Variants in HS3ST5 observed in about 807,000 individuals in gnomAD.
The protein encoded by HS3ST5 is heparan sulfate glucosamine 3-O-sulfotransferase 5.
HS3ST5 carries 10 observed loss-of-function variants against 25.4 expected under a neutral mutation model. The ratio of observed to expected loss-of-function variants is 0.39; its 90% CI spans 0.24 to 0.67. The LOEUF is 0.67. Ranked by LOEUF, HS3ST5 falls within the 30% of genes least tolerant of loss-of-function variation. The pLI, the probability that HS3ST5 is intolerant of heterozygous loss-of-function variation, is 0.44. For missense variants in HS3ST5, 324 were observed against 420.7 expected, an observed-to-expected ratio of 0.77 and a Z score of 2.01; for synonymous variants, 170 against 162.4, an observed-to-expected ratio of 1.05 and a Z score of -0.36.
intron 1 of HS3ST5, among the ~76,000 whole-genome samples, chr6:114,247,511 T>C (rs1278420037): frequency 6.6e-6 from 1 of 152,134 alleles, no homozygotes; most frequent in African/African-American, 2.4e-5. Flanking sequence ...AGAAATGTTA[T>C]TTGGCAGAAA....
At chr6:114,322,314 A>G (rs1342835368) in intron 1 of HS3ST5, among the ~76,000 whole-genome samples, 4 of 152,178 alleles carry the variant, frequency 2.6e-5, no homozygotes, top group Non-Finnish European at 5.9e-5. Context: ...AACTGGCTTC[A>G]AAGTAGCTTA....
chr6:114,140,338 TA>T (rs1321153550), intron 3 of HS3ST5, among the ~76,000 whole-genome samples: 3 of 152,234 alleles, frequency 2.0e-5, no homozygotes, highest in Non-Finnish European at 4.4e-5. Flanking sequence ...AATAGTGATA[TA>T]AATTTTTTTT....
chr6:114,278,079 AC>A (rs1164931179), intron 1 of HS3ST5, among the ~76,000 whole-genome samples: 1 of 151,948 alleles, frequency 6.6e-6, no homozygotes, highest in African/African-American at 2.4e-5. Flanking sequence ...AAACACTGCC[AC>A]TCATGACTGA....
intron 3 of HS3ST5, among the ~76,000 whole-genome samples, chr6:114,140,462 G>A (rs988197826): frequency 5.9e-5 from 9 of 152,366 alleles, no homozygotes; most frequent in African/African-American, 2.2e-4. Flanking sequence ...GTGACTGGCT[G>A]AAATTTGAGA....
chr6:114,169,523 C>A (rs562172419), intron 2 of HS3ST5, among the ~76,000 whole-genome samples: 18 of 152,214 alleles, frequency 1.2e-4, no homozygotes, highest in African/African-American at 4.3e-4. Flanking sequence ...GAAAAAAACA[C>A]ATCCAGCTAT....
chr6:114,170,358 T>C (rs898519315), intron 2 of HS3ST5, among the ~76,000 whole-genome samples: 13 of 152,134 alleles, frequency 8.5e-5, no homozygotes, highest in Admixed American at 2.0e-4. Flanking sequence ...AATCTTGAAG[T>C]TGTAATGTAA....
chr6:114,069,345 C>CT (rs759908690), intron 3 of HS3ST5, among the ~76,000 whole-genome samples: 479 of 144,934 alleles, frequency 3.3e-3, no homozygotes, highest in Non-Finnish European at 3.5e-3. Context: ...GTAATATTAT[C>CT]TTTTTTTTTT....
chr6:114,106,381 A>G (rs1181469983), intron 3 of HS3ST5, among the ~76,000 whole-genome samples: 3 of 152,130 alleles, frequency 2.0e-5, no homozygotes, highest in African/African-American at 2.4e-5. Context: ...AGCATTCCAT[A>G]AATGTTCCTT....
At chr6:114,321,400 G>C (rs938086353) in intron 1 of HS3ST5, among the ~76,000 whole-genome samples, 1 of 151,984 alleles carries the variant, frequency 6.6e-6, no homozygotes, top group Non-Finnish European at 1.5e-5. Context: ...TTAGCCTGGT[G>C]AACAGCTCTG....
intron 1 of HS3ST5, among the ~76,000 whole-genome samples, chr6:114,248,684 C>CA (rs1277160761): frequency 6.6e-6 from 1 of 152,066 alleles, no homozygotes; most frequent in Non-Finnish European, 1.5e-5. Context: ...ATTAATCAGT[C>CA]AAAACAGACA....
At chr6:114,088,717 T>A (rs934161984) in intron 3 of HS3ST5, among the ~76,000 whole-genome samples, 11 of 152,342 alleles carry the variant, frequency 7.2e-5, no homozygotes, top group Admixed American at 4.6e-4. Context: ...GGTTATAGGC[T>A]ATATACAGAT....
chr6:114,232,890 T>A (rs753457155), intron 1 of HS3ST5, among the ~76,000 whole-genome samples: 2 of 152,170 alleles, frequency 1.3e-5, no homozygotes, highest in East Asian at 3.9e-4. Context: ...GGCATCTATC[T>A]AGAGTGATCT....
At chr6:114,288,819 T>C (rs1181879736) in intron 1 of HS3ST5, among the ~76,000 whole-genome samples, 1 of 152,096 alleles carries the variant, frequency 6.6e-6, no homozygotes, top group Non-Finnish European at 1.5e-5. Context: ...AGTAATTCAG[T>C]CCAATAGTTA....
intron 1 of HS3ST5, among the ~76,000 whole-genome samples, chr6:114,327,232 A>G (rs530079390): frequency 6.6e-6 from 1 of 152,290 alleles, no homozygotes; most frequent in East Asian, 1.9e-4. Context: ...GTAGATAGTG[A>G]TAAGTATTAA....
At chr6:114,150,207 C>T (rs1028353891) in intron 3 of HS3ST5, among the ~76,000 whole-genome samples, 2 of 152,236 alleles carry the variant, frequency 1.3e-5, no homozygotes, top group East Asian at 3.9e-4. Context: ...CTTTGGATGT[C>T]CTGTTAAGTT....
At chr6:114,310,787 G>T (rs1775498661) in intron 1 of HS3ST5, among the ~76,000 whole-genome samples, 1 of 152,114 alleles carries the variant, frequency 6.6e-6, no homozygotes, top group Non-Finnish European at 1.5e-5. Context: ...TTAATGATAT[G>T]ATTATATTCC....
chr6:114,103,823 T>TGG (rs1196932963), intron 3 of HS3ST5, among the ~76,000 whole-genome samples: 2 of 149,424 alleles, frequency 1.3e-5, no homozygotes, highest in African/African-American at 4.9e-5. Context: ...CCCGAGTAGC[T>TGG]GGGACTACAA....
Position 114,070,382 on chromosome 6 carries a change from G to GT in HS3ST5, c.-32-7506dup, listed in dbSNP as rs1209712485. 3.3e-5 allele frequency among the ~76,000 whole-genome samples: 5 copies of GT among 152,010 alleles called. No individual in the cohort carries two copies. In the East Asian group the frequency reaches 9.7e-4, roughly 29 times the overall value. On this transcript the variant is annotated intron_variant, in intron 3 of 4. Coordinates refer to ENST00000312719, the MANE Select transcript of HS3ST5 (RefSeq NM_153612.4). ...GAAAGCAGGGAGAAAATACTAATAAGTAATGATAGTAGCAATTATAATGAA... is the reference window on the plus strand; with the variant it reads ...GAAAGCAGGGAGAAAATACTAATAAGTTAATGATAGTAGCAATTATAATGAA...
chr6:114,074,868 T>C (rs1027593679), intron 3 of HS3ST5, among the ~76,000 whole-genome samples: 4 of 152,190 alleles, frequency 2.6e-5, no homozygotes, highest in Admixed American at 6.5e-5. Context: ...TTCTTAGGCA[T>C]GCTAACATTT....
Sources: gnomAD v4.1 joint callset for allele counts (sites outside exome capture counted in the v4.1 genomes callset) on GRCh38, gnomAD v4.1.1 for gene constraint, MANE v1.5 for transcripts, NCBI Gene and HGNC (gene_info 2026-07-23, HGNC 2026-07-21) for gene names.